PCDHA3: variants seen among roughly 807,000 people sequenced by gnomAD.
The protein encoded by PCDHA3 is protocadherin alpha 3.
A neutral mutation model predicts 62.2 loss-of-function variants in PCDHA3; 41 were observed. That is an observed-to-expected ratio of 0.66 (90% CI 0.51 to 0.86). The LOEUF is 0.86. Among genes scored for constraint, PCDHA3 ranks in the 40% least tolerant of loss-of-function variants. The pLI, the probability that PCDHA3 is intolerant of heterozygous loss-of-function variation, is 0.00. For synonymous variants in PCDHA3, 640 were observed against 555.4 expected, an observed-to-expected ratio of 1.15 and a Z score of -2.14; for missense variants, 1,304 against 1,241.2, an observed-to-expected ratio of 1.05 and a Z score of -0.76.
intron 1 of PCDHA3, chr5:140,836,394 G>T (rs2150259652): frequency 6.2e-7 from 1 of 1,613,796 alleles, no homozygotes; most frequent in East Asian, 2.2e-5. Context: ...GTCGCTGGTG[G>T]AAAGCGGCCA....
chr5:140,929,162 G>T (rs2153599635), intron 1 of PCDHA3: 4 of 1,614,060 alleles, frequency 2.5e-6, no homozygotes, highest in Non-Finnish European at 3.4e-6. Context: ...TATCTCTATC[G>T]GGCCTCTCTG....
intron 1 of PCDHA3, chr5:140,870,860 C>G: frequency 6.2e-7 from 1 of 1,613,882 alleles, no homozygotes; most frequent in East Asian, 2.2e-5. Context: ...TCGGTGGGTG[C>G]GGGCCACGTG....
At chr5:140,845,675 A>G (rs2150380480) in intron 1 of PCDHA3, among the ~76,000 whole-genome samples, 6 of 149,762 alleles carry the variant, frequency 4.0e-5, no homozygotes, top group African/African-American at 7.3e-5. Context: ...AGCCATTGGT[A>G]AAGGATTTGT....
At chr5:140,982,317 AG>A in intron 2 of PCDHA3, 157 bp from the exon 3 acceptor site, 1 of 1,347,244 alleles carries the variant, frequency 7.4e-7, no homozygotes, top group East Asian at 2.5e-5. Flanking sequence ...CAGTTTATGC[AG>A]GGTGACTGCT....
intron 3 of PCDHA3, among the ~76,000 whole-genome samples, chr5:140,997,635 A>C (rs1317325954): frequency 6.6e-6 from 1 of 151,942 alleles, no homozygotes; most frequent in Non-Finnish European, 1.5e-5. Context: ...CAAAAAGCAA[A>C]ATGGGATAAT....
intron 1 of PCDHA3, among the ~76,000 whole-genome samples, chr5:140,933,965 T>A (rs1400091615): frequency 2.6e-5 from 4 of 152,064 alleles, no homozygotes; most frequent in Non-Finnish European, 5.9e-5. Flanking sequence ...GTAGTGATGT[T>A]TCCCTTTTCA....
chr5:140,927,159 C>T (rs782468229), intron 1 of PCDHA3: 2 of 1,614,164 alleles, frequency 1.2e-6, no homozygotes, highest in South Asian at 2.2e-5. Context: ...TGTGCAGGGC[C>T]AAAGCTGCCT....
chr5:140,856,719 C>A, intron 1 of PCDHA3: 1 of 1,596,152 alleles, frequency 6.3e-7, no homozygotes, highest in Non-Finnish European at 8.6e-7. Flanking sequence ...TTTACCGGAT[C>A]TGTTTCTCTG....
intron 1 of PCDHA3, among the ~76,000 whole-genome samples, chr5:140,962,568 A>G (rs915587591): frequency 6.6e-6 from 1 of 152,222 alleles, no homozygotes; most frequent in Non-Finnish European, 1.5e-5. Context: ...CTAAAAGCCA[A>G]TTGTTAATGC....
chr5:140,811,974 T>G (rs1169790765), intron 1 of PCDHA3: 1 of 149,746 alleles, frequency 6.7e-6, no homozygotes, highest in East Asian at 1.9e-4. Context: ...GATTGTAGTT[T>G]CTTTTGAAGA....
chr5:140,923,078 G>A (rs1392146044), intron 1 of PCDHA3, among the ~76,000 whole-genome samples: 1 of 152,200 alleles, frequency 6.6e-6, no homozygotes, highest in African/African-American at 2.4e-5. Context: ...CCTCATGTCA[G>A]CACTTATTTG....
chr5:140,958,204 G>T (rs2095413529), intron 1 of PCDHA3, among the ~76,000 whole-genome samples: 2 of 152,042 alleles, frequency 1.3e-5, no homozygotes, highest in South Asian at 2.1e-4. Flanking sequence ...AGTATACAAG[G>T]GAATTAGATT....
rs782469778 is a variant in PCDHA3 at position 140,882,968 on chromosome 5, G to A, written c.2394+79377G>A. The A allele has an allele frequency of 3.7e-6, 6 of 1,614,028 alleles. No homozygotes were observed. The African/African-American group carries it at 8.0e-5, about 22-fold the overall frequency. ...AGTTCAGCTGCTCATCACGATTCTGGACGTGAATGACAACGCCCCGGAATT... is the reference window on the plus strand; with the variant it reads ...AGTTCAGCTGCTCATCACGATTCTGAACGTGAATGACAACGCCCCGGAATT... On this transcript the variant is annotated intron_variant, in intron 1 of 3. Transcript: ENST00000522353.
intron 1 of PCDHA3, chr5:140,813,779 T>TA (rs1765377649): frequency 6.6e-6 from 1 of 152,298 alleles, no homozygotes; most frequent in Admixed American, 6.5e-5. Flanking sequence ...GAGGATCACT[T>TA]AAGCCCAGGA....
At chr5:140,928,532 A>G (rs781788985) in intron 1 of PCDHA3, 42 of 1,614,110 alleles carry the variant, frequency 2.6e-5, no homozygotes, top group Middle Eastern at 1.6e-4. Flanking sequence ...TTTGTGGTAG[A>G]TAGGAATGAC....
chr5:140,856,440 G>A, intron 1 of PCDHA3: 1 of 1,598,404 alleles, frequency 6.3e-7, no homozygotes, highest in Non-Finnish European at 8.6e-7. Context: ...AACCCGCCCA[G>A]GTTCTCCGTA....
intron 1 of PCDHA3, chr5:140,852,675 C>G: frequency 3.1e-6 from 3 of 968,904 alleles, no homozygotes; most frequent in Non-Finnish European, 3.7e-6. Context: ...CACAACTCAC[C>G]TTGAATATAG....
chr5:140,891,281 G>A (rs1554184772), intron 1 of PCDHA3, among the ~76,000 whole-genome samples: 2 of 151,886 alleles, frequency 1.3e-5, no homozygotes, highest in African/African-American at 4.8e-5. Context: ...GTAAGTTATT[G>A]GGGGTACAGG....
intron 1 of PCDHA3, chr5:140,835,375 C>A (rs2150234654): frequency 1.9e-6 from 3 of 1,613,974 alleles, no homozygotes; most frequent in South Asian, 1.1e-5. Context: ...CCACCCCTGG[C>A]TGGTCATTGT....
Sources: gnomAD v4.1 joint callset for allele counts (sites outside exome capture counted in the v4.1 genomes callset) on GRCh38, gnomAD v4.1.1 for gene constraint, MANE v1.5 for transcripts, NCBI Gene and HGNC (gene_info 2026-07-23, HGNC 2026-07-21) for gene names.